The following PTPRE variants were observed in gnomAD, a reference collection of about 807,000 sequenced individuals.
The protein encoded by PTPRE is receptor-type tyrosine-protein phosphatase epsilon.
PTPRE carries 51 observed loss-of-function variants against 102.0 expected under a neutral mutation model. The ratio of observed to expected loss-of-function variants is 0.50; its 90% CI spans 0.40 to 0.63. The LOEUF (loss-of-function observed/expected upper bound fraction) is 0.63, where lower values mean the gene tolerates loss of function less well. Ranked by LOEUF, PTPRE falls within the 30% of genes least tolerant of loss-of-function variation. The pLI is 0.00. For synonymous variants in PTPRE, 345 were observed against 348.2 expected (o/e 0.99, Z 0.10); for missense variants, 752 against 915.1 (o/e 0.82, Z 2.30).
intron 2 of PTPRE, among the ~76,000 whole-genome samples, chr10:128,034,191 A>G (rs907945039): frequency 1.8e-4 from 27 of 152,276 alleles, no homozygotes; most frequent in Admixed American, 1.5e-3. Flanking sequence ...AATAAACCTA[A>G]GTGTCCTAAA....
chr10:128,042,609 G>A (rs930523228), intron 3 of PTPRE, among the ~76,000 whole-genome samples: 5 of 152,154 alleles, frequency 3.3e-5, no homozygotes, highest in Admixed American at 6.5e-5. Flanking sequence ...CTAGAATTGT[G>A]GAGGGGAACC....
chr10:127,947,750 C>T (rs1848728092), intron 1 of PTPRE, among the ~76,000 whole-genome samples: 1 of 152,114 alleles, frequency 6.6e-6, no homozygotes, highest in South Asian at 2.1e-4. Context: ...GACTGGAGCA[C>T]ATGAGCTCAA....
intron 2 of PTPRE, among the ~76,000 whole-genome samples, chr10:128,015,156 TA>T (rs1286842656): frequency 4.6e-5 from 7 of 152,178 alleles, no homozygotes; most frequent in African/African-American, 1.7e-4. Flanking sequence ...AAAAGACCTG[TA>T]CCCAAGCATT....
In PTPRE at chr10:127,982,260, T is replaced by G; in HGVS notation, c.-30-14T>G. On this transcript the variant is annotated splice_polypyrimidine_tract_variant and intron_variant, in intron 1 of 20. Coordinates refer to ENST00000254667, the MANE Select transcript of PTPRE (RefSeq NM_006504.6). ...ACCAGAAAACTGACTTTTTTTTTCT[T>G]CTTTCTTCTTCAGACTATAGCCTTC... 1 of 1,262,814 alleles carries G rather than the reference T, an allele frequency of 7.9e-7. No homozygotes were observed. Among genetic ancestry groups the G allele is most frequent in the South Asian group, 1.3e-5 (1 of 77,622 alleles). 78.2% of individuals were successfully genotyped at this position (1,262,814 alleles called of 1,614,324 possible).
At chr10:128,050,671 A>C (rs1848502516) in intron 6 of PTPRE, among the ~76,000 whole-genome samples, 1 of 152,228 alleles carries the variant, frequency 6.6e-6, no homozygotes. Context: ...GGTCCTGGCT[A>C]TGCCTGTTGC....
At chr10:127,965,271 A>C (rs1052823784) in intron 1 of PTPRE, among the ~76,000 whole-genome samples, 1 of 152,190 alleles carries the variant, frequency 6.6e-6, no homozygotes, top group Non-Finnish European at 1.5e-5. Context: ...AGACAAAAGA[A>C]GTTCTTCAGT....
At chr10:128,011,883 G>T (rs892080115) in intron 2 of PTPRE, among the ~76,000 whole-genome samples, 3 of 152,224 alleles carry the variant, frequency 2.0e-5, no homozygotes, top group African/African-American at 7.2e-5. Context: ...GCTCAGAGCA[G>T]AACCTGGGCC....
chr10:127,940,171 C>G (rs1404530521), intron 1 of PTPRE, among the ~76,000 whole-genome samples: 1 of 152,056 alleles, frequency 6.6e-6, no homozygotes, highest in Non-Finnish European at 1.5e-5. Context: ...CCTGAGGTGG[C>G]TGACAGCTTC....
At chr10:128,044,317 T>A (rs1395219367) in intron 3 of PTPRE, among the ~76,000 whole-genome samples, 1 of 152,060 alleles carries the variant, frequency 6.6e-6, no homozygotes, top group Non-Finnish European at 1.5e-5. Flanking sequence ...GGAATGAAGG[T>A]GGGAGAGGAA....
chr10:128,044,462 C>T (rs956055564), intron 3 of PTPRE, among the ~76,000 whole-genome samples: 1 of 152,240 alleles, frequency 6.6e-6, no homozygotes, highest in Non-Finnish European at 1.5e-5. Context: ...TGCTGGGTGG[C>T]TACACTCCAG....
At chr10:127,958,218 C>A (rs1489625871) in intron 1 of PTPRE, among the ~76,000 whole-genome samples, 1 of 152,192 alleles carries the variant, frequency 6.6e-6, no homozygotes, top group East Asian at 1.9e-4. Context: ...TAACCATAAC[C>A]TCCCATATGA....
chr10:127,937,888 TA>T (rs1455492740), intron 1 of PTPRE, among the ~76,000 whole-genome samples: 1 of 151,610 alleles, frequency 6.6e-6, no homozygotes, highest in East Asian at 1.9e-4. Flanking sequence ...AAGCTACTCG[TA>T]AGGGGTGTGT....
intron 2 of PTPRE, among the ~76,000 whole-genome samples, chr10:128,017,168 T>G (rs998751497): frequency 6.6e-6 from 1 of 151,984 alleles, no homozygotes; most frequent in Non-Finnish European, 1.5e-5. Flanking sequence ...GGCAGTTCGG[T>G]GGCCTGGGAA....
chr10:127,960,052 T>C (rs1052792652), intron 1 of PTPRE, among the ~76,000 whole-genome samples: 1 of 152,150 alleles, frequency 6.6e-6, no homozygotes, highest in East Asian at 1.9e-4. Flanking sequence ...CTATGTAAGA[T>C]GGGAAGTAAT....
intron 3 of PTPRE, among the ~76,000 whole-genome samples, chr10:128,045,280 C>T (rs1026475472): frequency 2.0e-5 from 3 of 152,246 alleles, no homozygotes; most frequent in African/African-American, 7.2e-5. Context: ...TGTCTGTGAC[C>T]GCAGCCTTCA....
At chr10:128,025,640 T>C (rs4750930) in intron 2 of PTPRE, among the ~76,000 whole-genome samples, 150,415 of 152,214 alleles carry the variant, frequency 0.99, 74,319 homozygotes, top group East Asian at 1. Flanking sequence ...CCCAGTGCCA[T>C]TCTTCATCCC....
At chr10:127,946,737 A>T (rs1209738499) in intron 1 of PTPRE, among the ~76,000 whole-genome samples, 1 of 152,220 alleles carries the variant, frequency 6.6e-6, no homozygotes, top group Non-Finnish European at 1.5e-5. Flanking sequence ...AGTAGGAAGA[A>T]AAGAAACAAG....
Position 128,060,478 on chromosome 10 carries a change from G to T in PTPRE, c.512-461G>T, listed in dbSNP as rs143106865. Among the ~76,000 whole-genome samples, 479 of 152,312 alleles carry T rather than the reference G, an allele frequency of 3.1e-3. 1 individual carries two copies. Among genetic ancestry groups the T allele is most frequent in the African/African-American group, 0.011 (451 of 41,560 alleles). ...ACATCCACTTGTCCTCATGGGGCTG[G>T]TGCTCATTTCCCTGGGAAGCCTGGG... On this transcript the variant is annotated intron_variant, in intron 7 of 20. Coordinates refer to ENST00000254667, the MANE Select transcript of PTPRE (RefSeq NM_006504.6).
chr10:127,922,442 C>T (rs1216856391), intron 1 of PTPRE, among the ~76,000 whole-genome samples: 1 of 152,214 alleles, frequency 6.6e-6, no homozygotes, highest in Non-Finnish European at 1.5e-5. Flanking sequence ...GGCCAGGGGG[C>T]CATCGAGGGC....
Sources: allele counts gnomAD v4.1 joint callset (sites outside exome capture counted in the v4.1 genomes callset), GRCh38; gene constraint gnomAD v4.1.1; transcripts MANE v1.5; gene names NCBI Gene and HGNC (gene_info 2026-07-23, HGNC 2026-07-21).